ERBB4: variants seen among roughly 807,000 people sequenced by gnomAD.
The protein encoded by ERBB4 is receptor tyrosine-protein kinase erbB-4.
ERBB4 carries 42 observed loss-of-function variants against 158.0 expected under a neutral mutation model. The ratio of observed to expected loss-of-function variants is 0.27; its 90% confidence interval spans 0.21 to 0.34. The LOEUF (loss-of-function observed/expected upper bound fraction) is 0.34. Among genes scored for constraint, ERBB4 ranks in the 10% least tolerant of loss-of-function variants. ERBB4 has a pLI of 1.00. For missense variants in ERBB4, 1,333 were observed against 1,624.1 expected, an observed-to-expected ratio of 0.82 and a Z score of 3.08; for synonymous variants, 583 against 558.7, an observed-to-expected ratio of 1.04 and a Z score of -0.61.
At chr2:211,811,805 A>C (rs1171025086) in intron 3 of ERBB4, among the ~76,000 whole-genome samples, 1 of 151,980 alleles carries the variant, frequency 6.6e-6, no homozygotes, top group African/African-American at 2.4e-5. Context: ...ATTTGATCGA[A>C]TCAGCTATTG....
At chr2:212,027,840 T>A (rs1275840014) in intron 2 of ERBB4, among the ~76,000 whole-genome samples, 1 of 152,086 alleles carries the variant, frequency 6.6e-6, no homozygotes, top group African/African-American at 2.4e-5. Flanking sequence ...TTTTCAATAT[T>A]TTAACAATAT....
At chr2:212,203,461 C>T (rs868475827) in intron 1 of ERBB4, among the ~76,000 whole-genome samples, 3 of 152,200 alleles carry the variant, frequency 2.0e-5, no homozygotes, top group South Asian at 2.1e-4. Context: ...GCCCAGGTCA[C>T]GTAGAAACTT....
At chr2:212,021,643 A>G (rs188592326) in intron 2 of ERBB4, among the ~76,000 whole-genome samples, 77 of 152,258 alleles carry the variant, frequency 5.1e-4, no homozygotes, top group African/African-American at 1.7e-3. Flanking sequence ...GGGCAATACC[A>G]TTCAGGACAT....
intron 1 of ERBB4, among the ~76,000 whole-genome samples, chr2:212,509,033 C>T (rs186418877): frequency 5.3e-5 from 8 of 152,142 alleles, no homozygotes; most frequent in East Asian, 1.9e-4. Context: ...TACACCTTTC[C>T]GTACATGCTG....
At chr2:212,172,560 A>G (rs2081549457) in intron 1 of ERBB4, among the ~76,000 whole-genome samples, 1 of 152,176 alleles carries the variant, frequency 6.6e-6, no homozygotes, top group Non-Finnish European at 1.5e-5. Flanking sequence ...GTACATATAC[A>G]TTTGTATATG....
At chr2:211,934,931 A>AAAAAAAAAAAAAAC (rs1435488546) in intron 3 of ERBB4, among the ~76,000 whole-genome samples, 1 of 149,048 alleles carries the variant, frequency 6.7e-6, no homozygotes, top group Non-Finnish European at 1.5e-5. Context: ...TCAGCTAAAA[A>AAAAAAAAAAAAAAC]AAAAAAAAAA....
At chr2:211,962,197 A>AAGC (rs1436127579) in intron 2 of ERBB4, among the ~76,000 whole-genome samples, 1 of 152,148 alleles carries the variant, frequency 6.6e-6, no homozygotes, top group East Asian at 1.9e-4. Flanking sequence ...GTATAAAAAT[A>AAGC]AGCCATCAAG....
chr2:211,398,970 C>T (rs938689253), intron 25 of ERBB4, among the ~76,000 whole-genome samples: 9 of 152,178 alleles, frequency 5.9e-5, no homozygotes, highest in African/African-American at 7.2e-5. Context: ...GCTCTTTCCT[C>T]ATAAGCCTTC....
intron 5 of ERBB4, among the ~76,000 whole-genome samples, chr2:211,728,845 T>G (rs34937662): frequency 0.2 from 30,428 of 151,756 alleles, 3,933 homozygotes; most frequent in African/African-American, 0.35. Flanking sequence ...AGTTTCTCTG[T>G]ATTTACTTTG....
At chr2:211,591,012 TG>T (rs2068444599) in intron 19 of ERBB4, among the ~76,000 whole-genome samples, 1 of 152,230 alleles carries the variant, frequency 6.6e-6, no homozygotes, top group Admixed American at 6.5e-5. Context: ...GCAACATAAC[TG>T]ACTACACTTT....
In ERBB4 at chr2:211,728,358, T is replaced by C. The variant is rs150145970; in HGVS notation, c.623-3164A>G. Reference sequence around the variant, plus strand: ...ACACACATTATATATATATATATGATATGTACCCAAACAATTTGTATCCTT... The same window carrying C: ...ACACACATTATATATATATATATGACATGTACCCAAACAATTTGTATCCTT... On this transcript the variant is annotated intron_variant, in intron 5 of 27. Coordinates refer to ENST00000342788, the MANE Select transcript of ERBB4 (RefSeq NM_005235.3). Among the ~76,000 whole-genome samples, 451 of 151,834 alleles carry C rather than the reference T, an allele frequency of 3.0e-3. 3 individuals carry two copies. Among genetic ancestry groups the C allele is most frequent in the African/African-American group, 1.0e-2 (413 of 41,504 alleles).
At chr2:211,648,276 A>C (rs2070854303) in intron 16 of ERBB4, among the ~76,000 whole-genome samples, 1 of 151,714 alleles carries the variant, frequency 6.6e-6, no homozygotes, top group Non-Finnish European at 1.5e-5. Flanking sequence ...CCCAGGTGTC[A>C]TTGGTTGTAT....
intron 1 of ERBB4, among the ~76,000 whole-genome samples, chr2:212,213,645 T>C (rs1444130823): frequency 1.3e-5 from 2 of 151,964 alleles, no homozygotes; most frequent in East Asian, 3.9e-4. Context: ...TCTGAAAAAA[T>C]ACAAATATAA....
Position 212,326,889 on chromosome 2 carries a change from C to T in ERBB4, c.83-201986G>A, listed in dbSNP as rs2087866437. Among the ~76,000 whole-genome samples the T allele has an allele frequency of 1.3e-5, 2 of 150,996 alleles. 1 individual carries two copies. On this transcript the variant is annotated intron_variant, in intron 1 of 27. Transcript: ENST00000342788. ...AGGATAGAGAATGGCTGAAAATTCA[C>T]AGGTTTTTAAATTCTTAAAAACAGG...
At chr2:211,483,277 C>T (rs1354995784) in intron 20 of ERBB4, among the ~76,000 whole-genome samples, 2 of 151,808 alleles carry the variant, frequency 1.3e-5, no homozygotes, top group Non-Finnish European at 2.9e-5. Flanking sequence ...AAAAAAAGCG[C>T]TGAAAATTTT....
In ERBB4 at chr2:211,932,776, A is replaced by C. The variant is rs368566245; in HGVS notation, c.421+14654T>G. On this transcript the variant is annotated intron_variant, in intron 3 of 27. Coordinates refer to ENST00000342788, the MANE Select transcript of ERBB4 (RefSeq NM_005235.3). ...AATGTTTCTTACTAAGTCATATTTT[A>C]ATGGATTAAAATGTAAATGAACTTT... Among the ~76,000 whole-genome samples the C allele has an allele frequency of 8.7e-4, 132 of 152,140 alleles. 3 individuals carry two copies. The South Asian group carries it at 0.024, about 28-fold the overall frequency.
chr2:212,048,722 A>G (rs1046640881), intron 2 of ERBB4, among the ~76,000 whole-genome samples: 1 of 152,168 alleles, frequency 6.6e-6, no homozygotes, highest in Non-Finnish European at 1.5e-5. Flanking sequence ...TTAGTTGTAT[A>G]TTTAAATTTG....
chr2:212,530,961 TTTTAA>T (rs1242733203), intron 1 of ERBB4, among the ~76,000 whole-genome samples: 1 of 152,232 alleles, frequency 6.6e-6, no homozygotes, highest in Admixed American at 6.5e-5. Context: ...TCTTGAGTCC[TTTTAA>T]TTTAACTCTC....
At chr2:211,485,287 A>G (rs1281282144) in intron 20 of ERBB4, among the ~76,000 whole-genome samples, 3 of 152,210 alleles carry the variant, frequency 2.0e-5, no homozygotes, top group Non-Finnish European at 2.9e-5. Context: ...AGGCATACAT[A>G]ATGTAAACAT....
Sources: gnomAD v4.1 joint callset for allele counts (sites outside exome capture counted in the v4.1 genomes callset) on GRCh38, gnomAD v4.1.1 for gene constraint, MANE v1.5 for transcripts, NCBI Gene and HGNC (gene_info 2026-07-23, HGNC 2026-07-21) for gene names.